Variants in FSTL5 observed in about 807,000 individuals in gnomAD.
The protein encoded by FSTL5 is follistatin-related protein 5.
FSTL5 carries 62 observed loss-of-function variants against 89.1 expected under a neutral mutation model. The observed-to-expected ratio is 0.70, with a 90% CI of 0.57 to 0.86. The LOEUF is 0.86. FSTL5 is among the 40% of genes least tolerant of loss of function. The pLI, the probability that FSTL5 is intolerant of heterozygous loss-of-function variation, is 0.00. For missense variants in FSTL5, 1,057 were observed against 1,001.6 expected (o/e 1.06, Z -0.75); for synonymous variants, 383 against 346.2 (o/e 1.11, Z -1.18).
chr4:161,597,954 A>T (rs952390195), intron 7 of FSTL5, among the ~76,000 whole-genome samples: 1 of 152,140 alleles, frequency 6.6e-6, no homozygotes, highest in Non-Finnish European at 1.5e-5. Context: ...ACATGATAAC[A>T]GTTTATTGAA....
At chr4:161,698,512 G>A (rs962825258) in intron 6 of FSTL5, among the ~76,000 whole-genome samples, 2 of 152,186 alleles carry the variant, frequency 1.3e-5, no homozygotes, top group South Asian at 4.1e-4. Context: ...GTGAGTTGAT[G>A]TGACGGGGCT....
intron 4 of FSTL5, among the ~76,000 whole-genome samples, chr4:161,877,181 C>T (rs1404059804): frequency 1.1e-5 from 1 of 92,542 alleles, no homozygotes; most frequent in Admixed American, 1.2e-4. Flanking sequence ...TAGACTCTGT[C>T]TCGAAAAAAA....
At chr4:161,732,974 T>A (rs1368731363) in intron 6 of FSTL5, among the ~76,000 whole-genome samples, 1 of 151,882 alleles carries the variant, frequency 6.6e-6, no homozygotes. Context: ...TTTTATATAC[T>A]CTTTATTTCC....
At chr4:161,876,436 G>A (rs1191865132) in intron 4 of FSTL5, among the ~76,000 whole-genome samples, 1 of 152,188 alleles carries the variant, frequency 6.6e-6, no homozygotes, top group Non-Finnish European at 1.5e-5. Context: ...ACTTAAATAT[G>A]TTGGGCCAAT....
chr4:162,019,780 G>C (rs1313852214), intron 3 of FSTL5, among the ~76,000 whole-genome samples: 1 of 151,154 alleles, frequency 6.6e-6, no homozygotes, highest in Non-Finnish European at 1.5e-5. Flanking sequence ...CTGTGTGTGT[G>C]TGTGTGTGTG....
chr4:161,992,900 GTGTGTATA>G lies in FSTL5; in HGVS notation c.160+40717_160+40724del, dbSNP rs1277878036. Among the ~76,000 whole-genome samples the G allele has an allele frequency of 8.3e-3, 607 of 73,028 alleles. 27 individuals are homozygous for G. The highest frequency in any genetic ancestry group is 0.031 in the African/African-American group (582 of 18,904). 47.9% of individuals were successfully genotyped at this position (73,028 alleles called of 152,430 possible). A position where few individuals can be genotyped will look rare whatever the true frequency, so the allele number is the denominator to read the frequency against. ...TATATATATATATATATATATATGTGTGTGTATATATATATATATATATATGTGTGTAT... is the reference window on the plus strand; with the variant it reads ...TATATATATATATATATATATATGTGTATATATATATATATATGTGTGTAT... On this transcript the variant is annotated intron_variant, in intron 3 of 15. Transcript: ENST00000306100.
At chr4:161,749,672 G>A (rs965737681) in intron 6 of FSTL5, among the ~76,000 whole-genome samples, 1 of 151,758 alleles carries the variant, frequency 6.6e-6, no homozygotes, top group Non-Finnish European at 1.5e-5. Context: ...GGGGCCTGTA[G>A]TCCCAGCTAC....
At chr4:162,055,525 T>TGATAGATAGATAGATA (rs67961016) in intron 2 of FSTL5, among the ~76,000 whole-genome samples, 62 of 148,664 alleles carry the variant, frequency 4.2e-4, no homozygotes, top group East Asian at 1.8e-3. Flanking sequence ...AGATAGAGGA[T>TGATAGATAGATAGATA]GATAGATAGA....
chr4:161,760,804 T>C (rs1354173895), intron 5 of FSTL5, among the ~76,000 whole-genome samples: 1 of 152,204 alleles, frequency 6.6e-6, no homozygotes, highest in Non-Finnish European at 1.5e-5. Flanking sequence ...CAAAGGCAGA[T>C]TGGTGATGCT....
At chr4:161,589,517 T>C (rs1044373577) in intron 7 of FSTL5, among the ~76,000 whole-genome samples, 2 of 151,892 alleles carry the variant, frequency 1.3e-5, no homozygotes, top group Non-Finnish European at 2.9e-5. Context: ...AGGTTTTCAC[T>C]ATGTTGGCCA....
intron 6 of FSTL5, among the ~76,000 whole-genome samples, chr4:161,695,771 A>C (rs1215626803): frequency 6.6e-6 from 1 of 151,900 alleles, no homozygotes; most frequent in Non-Finnish European, 1.5e-5. Flanking sequence ...TTCTTTTGAG[A>C]ACTGTCTCTT....
At chr4:161,643,532 A>C (rs1736039221) in intron 7 of FSTL5, among the ~76,000 whole-genome samples, 1 of 151,586 alleles carries the variant, frequency 6.6e-6, no homozygotes, top group South Asian at 2.1e-4. Flanking sequence ...TATCTCTTAC[A>C]GTTGTATCTT....
At chr4:162,134,989 T>C (rs1168339639) in intron 1 of FSTL5, among the ~76,000 whole-genome samples, 1 of 152,244 alleles carries the variant, frequency 6.6e-6, no homozygotes, top group African/African-American at 2.4e-5. Flanking sequence ...AGCATTTGCA[T>C]GTGCTAACTT....
At chr4:161,870,645 A>G (rs555632483) in intron 4 of FSTL5, among the ~76,000 whole-genome samples, 2 of 152,314 alleles carry the variant, frequency 1.3e-5, no homozygotes, top group Admixed American at 1.3e-4. Context: ...GAATGAGTAA[A>G]TATCACTTAC....
intron 4 of FSTL5, among the ~76,000 whole-genome samples, chr4:161,879,257 C>G (rs959840025): frequency 6.6e-6 from 1 of 152,280 alleles, no homozygotes; most frequent in South Asian, 2.1e-4. Context: ...ACCTCCATTG[C>G]TATAAAATTG....
chr4:161,745,264 C>T (rs1380909222), intron 6 of FSTL5, among the ~76,000 whole-genome samples: 1 of 151,928 alleles, frequency 6.6e-6, no homozygotes, highest in East Asian at 1.9e-4. Context: ...TATTCGTACA[C>T]CTCAAAGGAT....
chr4:161,839,427 A>G (rs1731143981), intron 4 of FSTL5, among the ~76,000 whole-genome samples: 2 of 152,164 alleles, frequency 1.3e-5, no homozygotes, highest in Admixed American at 1.3e-4. Context: ...ATTCTTTAAA[A>G]TGGGAAACAA....
intron 3 of FSTL5, among the ~76,000 whole-genome samples, chr4:161,974,577 C>T (rs1735578408): frequency 8.1e-6 from 1 of 123,324 alleles, no homozygotes; most frequent in South Asian, 3.2e-4. Flanking sequence ...GGATCCCTTC[C>T]TTACACCTTA....
chr4:161,695,084 G>A (rs541133103), intron 6 of FSTL5, among the ~76,000 whole-genome samples: 11 of 150,460 alleles, frequency 7.3e-5, no homozygotes, highest in South Asian at 4.2e-4. Context: ...ATAGGCTATC[G>A]GGGAATAGAT....
Sources: allele counts gnomAD v4.1 joint callset (sites outside exome capture counted in the v4.1 genomes callset), GRCh38; gene constraint gnomAD v4.1.1; transcripts MANE v1.5; gene names NCBI Gene and HGNC (gene_info 2026-07-23, HGNC 2026-07-21).